The following RNF32 variants were observed in gnomAD, a reference collection of about 807,000 sequenced individuals.
The protein encoded by RNF32 is ring finger protein 32.
Under a neutral mutation model 41.0 loss-of-function variants are expected in RNF32, and 36 were observed. The ratio of observed to expected loss-of-function variants is 0.88; its 90% confidence interval spans 0.67 to 1.16. RNF32 has a LOEUF of 1.16. Ranked by LOEUF, RNF32 falls within the 50% of genes most tolerant of loss-of-function variation. The pLI is 0.00. For synonymous variants in RNF32, 154 were observed against 160.9 expected, an observed-to-expected ratio of 0.96 and a Z score of 0.32; for missense variants, 413 against 436.7, an observed-to-expected ratio of 0.95 and a Z score of 0.48.
chr7:156,640,248 A>G, upstream of RNF32: 1 of 447,612 alleles, frequency 2.2e-6, no homozygotes, highest in Non-Finnish European at 4.5e-6. Flanking sequence ...CTCGACTAAC[A>G]GCGCAGCGAA....
chr7:156,673,239 G>T (rs1044516017), intron 7 of RNF32, among the ~76,000 whole-genome samples: 1 of 152,184 alleles, frequency 6.6e-6, no homozygotes, highest in East Asian at 1.9e-4. Flanking sequence ...TTTGAAGGAA[G>T]AAAAGATCTT....
chr7:156,657,393 C>A, intron 4 of RNF32, 148 bp from the exon 5 acceptor site: 2 of 734,664 alleles, frequency 2.7e-6, no homozygotes, highest in Admixed American at 4.2e-5. Context: ...GCTAAACAAA[C>A]AATAAATAGT....
chr7:156,662,636 A>T (rs1800808471), intron 7 of RNF32, among the ~76,000 whole-genome samples: 1 of 152,080 alleles, frequency 6.6e-6, no homozygotes, highest in Non-Finnish European at 1.5e-5. Flanking sequence ...ATACACAGAA[A>T]GGGAGGTGTA....
At chr7:156,641,194 G>A (rs1797258081) in intron 1 of RNF32, among the ~76,000 whole-genome samples, 1 of 152,196 alleles carries the variant, frequency 6.6e-6, no homozygotes, top group African/African-American at 2.4e-5. Flanking sequence ...TGCATGAGTG[G>A]AACCTCAGAA....
At chr7:156,651,709 A>G (rs1798762846) in intron 3 of RNF32, among the ~76,000 whole-genome samples, 1 of 152,184 alleles carries the variant, frequency 6.6e-6, no homozygotes, top group Admixed American at 6.5e-5. Context: ...GGTGTTCTAT[A>G]TTACAGTTTC....
At chr7:156,651,214 T>C (rs1239024104) in intron 3 of RNF32, among the ~76,000 whole-genome samples, 1 of 145,196 alleles carries the variant, frequency 6.9e-6, no homozygotes, top group Non-Finnish European at 1.5e-5. Flanking sequence ...TTTTAATATT[T>C]CTTTTTTTTT....
At chr7:156,668,042 A>C (rs1349742098) in intron 7 of RNF32, among the ~76,000 whole-genome samples, 1 of 152,222 alleles carries the variant, frequency 6.6e-6, no homozygotes, top group Non-Finnish European at 1.5e-5. Context: ...TTTGAGGCAT[A>C]TATTTGCTCT....
At chr7:156,659,718 G>A in intron 7 of RNF32, 1 of 775,502 alleles carries the variant, frequency 1.3e-6, no homozygotes, top group South Asian at 5.9e-5. Flanking sequence ...CATTGAACTG[G>A]ACGAGAACTG....
rs145381053 is a variant in RNF32 at position 156,672,515 on chromosome 7, T to G, written c.685-3181T>G. Among the ~76,000 whole-genome samples, 10 of 152,330 alleles carry G rather than the reference T, an allele frequency of 6.6e-5. No individual in the cohort carries two copies. The East Asian group carries it at 1.9e-3, about 29-fold the overall frequency. On this transcript the variant is annotated intron_variant, in intron 7 of 8. Coordinates refer to ENST00000317955, the MANE Select transcript of RNF32 (RefSeq NM_030936.4). Reference sequence around the variant, plus strand: ...GTTGTTCAGAGCATATGAGCTCTATTTCCATCTAAAGTGTTTGAAGGAAAA... The same window carrying G: ...GTTGTTCAGAGCATATGAGCTCTATGTCCATCTAAAGTGTTTGAAGGAAAA...
chr7:156,670,895 T>C lies in RNF32; in HGVS notation c.685-4801T>C, dbSNP rs923678611. On this transcript the variant is annotated intron_variant, in intron 7 of 8. Transcript: ENST00000317955. This position sits in a 1 kb window ranked among gnomAD's most constrained non-coding sequence, Gnocchi z 4.3. The stretch of plus-strand genomic sequence containing the variant: ...GACGGGAAATCTGAGATGTCAGTGG[T>C]AAAAATGTGAGTAAATCTAATAGAC... Among the ~76,000 whole-genome samples, 1 of 152,116 alleles carries C rather than the reference T, an allele frequency of 6.6e-6. No homozygotes were observed. The highest frequency in any genetic ancestry group is 2.4e-5 in the African/African-American group (1 of 41,426).
chr7:156,657,966 TG>T (rs1302346083), intron 5 of RNF32, among the ~76,000 whole-genome samples, 161 bp from the exon 6 acceptor site: 1 of 152,204 alleles, frequency 6.6e-6, no homozygotes, highest in Non-Finnish European at 1.5e-5. Context: ...GTGAGGAAGG[TG>T]GTAGCACCTG....
upstream of RNF32, chr7:156,640,692 A>C (rs1011628771): frequency 3.4e-6 from 1 of 293,220 alleles, no homozygotes; most frequent in South Asian, 2.6e-5. Context: ...GCTGGTGAGC[A>C]AGCCCGCGGG....
chr7:156,663,354 A>G (rs1230295183), intron 7 of RNF32, among the ~76,000 whole-genome samples: 2 of 152,258 alleles, frequency 1.3e-5, no homozygotes, highest in African/African-American at 4.8e-5. Flanking sequence ...TGTTATGCAT[A>G]TTATATAAAT....
chr7:156,646,838 A>G lies in RNF32; in HGVS notation c.274+2081A>G, dbSNP rs544555185. Among the ~76,000 whole-genome samples the G allele has an allele frequency of 3.3e-5, 5 of 152,250 alleles. No individual in the cohort carries two copies. In the South Asian group the frequency reaches 1.0e-3, roughly 32 times the overall value. On this transcript the variant is annotated intron_variant, in intron 3 of 8. Transcript: ENST00000317955. ...TGAATGTTTGTCCCCTCCAAAACTC[A>G]TGTTGAAATTTCATTTTGTTTTGTT...
chr7:156,657,412 CA>C, intron 4 of RNF32, 128 bp from the exon 5 acceptor site: 2 of 841,810 alleles, frequency 2.4e-6, no homozygotes, highest in Non-Finnish European at 4.0e-6. Flanking sequence ...GTATAAATAT[CA>C]AAGTTATTAA....
At chr7:156,659,907 G>C (rs968121225) in intron 7 of RNF32, 15 of 985,298 alleles carry the variant, frequency 1.5e-5, no homozygotes, top group African/African-American at 1.7e-5. Flanking sequence ...AAGAGCAGTC[G>C]GGGCAGGGAG....
rs1349386616 is a variant in RNF32, at chr7:156,669,514, G to C, written c.685-6182G>C. On this transcript the variant is annotated intron_variant, in intron 7 of 8. Coordinates refer to ENST00000317955, the MANE Select transcript of RNF32 (RefSeq NM_030936.4). This position sits in a 1 kb window ranked among gnomAD's most constrained non-coding sequence, Gnocchi z 4.2. Reference sequence around the variant, plus strand: ...GCAGCACGGCTTAGCATGTGGGAGGGGCAGGCTGGCAGAGTGTGAGCCGCT... The same window carrying C: ...GCAGCACGGCTTAGCATGTGGGAGGCGCAGGCTGGCAGAGTGTGAGCCGCT... Among the ~76,000 whole-genome samples the C allele has an allele frequency of 6.6e-6, 1 of 152,162 alleles. No individual in the cohort carries two copies. The highest frequency in any genetic ancestry group is 1.5e-5 in the Non-Finnish European group (1 of 68,032).
At chr7:156,640,594 G>A (rs376064478), upstream of RNF32, 5 of 412,500 alleles carry the variant, frequency 1.2e-5, no homozygotes, top group Non-Finnish European at 2.4e-5. Flanking sequence ...GCGCAGTGTG[G>A]TGTGGACAGG....
chr7:156,666,467 A>G (rs1308220122), intron 7 of RNF32, among the ~76,000 whole-genome samples: 2 of 152,216 alleles, frequency 1.3e-5, no homozygotes, highest in Non-Finnish European at 2.9e-5. Flanking sequence ...CATTCCTAAC[A>G]AAACCCAACC....
Sources: allele counts gnomAD v4.1 joint callset (sites outside exome capture counted in the v4.1 genomes callset), GRCh38; gene constraint gnomAD v4.1.1; non-coding constraint Gnocchi (gnomAD v3.1); transcripts MANE v1.5; gene names NCBI Gene and HGNC (gene_info 2026-07-23, HGNC 2026-07-21).